HS6ST2: variants seen among roughly 807,000 people sequenced by gnomAD.
HS6ST2 encodes heparan-sulfate 6-O-sulfotransferase 2.
In HS6ST2, 17 loss-of-function variants were observed where a neutral mutation model predicts 33.0. The observed-to-expected ratio is 0.52, with a 90% CI of 0.35 to 0.77. The LOEUF (loss-of-function observed/expected upper bound fraction) is 0.77. HS6ST2 is among the 30% of genes least tolerant of loss of function. The pLI, the probability that HS6ST2 is intolerant of heterozygous loss-of-function variation, is 0.01. For synonymous variants in HS6ST2, 248 were observed against 237.1 expected, an observed-to-expected ratio of 1.05 and a Z score of -0.42; for missense variants, 519 against 551.7, an observed-to-expected ratio of 0.94 and a Z score of 0.59.
intron 2 of HS6ST2, among the ~76,000 whole-genome samples, chrX:132,916,946 A>G (rs766652717): frequency 8.9e-6 from 1 of 111,817 alleles, no homozygotes; most frequent in South Asian, 3.8e-4. Context: ...CATCTATCCT[A>G]TTAGTTCTGT....
chrX:132,748,404 T>G (rs1022236536), intron 2 of HS6ST2, among the ~76,000 whole-genome samples: 1 of 111,851 alleles, frequency 8.9e-6, no homozygotes, highest in Non-Finnish European at 1.9e-5. Flanking sequence ...TTCTCACATT[T>G]AACTCCTCTC....
At chrX:132,860,831 A>G (rs1280910989) in intron 2 of HS6ST2, among the ~76,000 whole-genome samples, 2 of 80,501 alleles carry the variant, frequency 2.5e-5, no homozygotes, top group Non-Finnish European at 4.4e-5. Context: ...TGTGTCACCC[A>G]GGCTGGAGTG....
At position 132,728,361 on chromosome X, in the gene HS6ST2, C is replaced by G. The variant is rs2064417516; in HGVS notation, c.948-19867G>C. Among the ~76,000 whole-genome samples, 2 of 112,189 alleles carry G rather than the reference C, an allele frequency of 1.8e-5. 1 individual carries two copies. The highest frequency in any genetic ancestry group is 1.9e-4 in the Admixed American group (2 of 10,584). On this transcript the variant is annotated intron_variant, in intron 2 of 4. Coordinates refer to ENST00000370833, the MANE Select transcript of HS6ST2 (RefSeq NM_001394073.1). Reference sequence around the variant, plus strand: ...ACTCAATTAGCCCAAATGATTGACCCTAACGGTGGGCTTTTGAGTCTGGGC... The same window carrying G: ...ACTCAATTAGCCCAAATGATTGACCGTAACGGTGGGCTTTTGAGTCTGGGC...
intron 2 of HS6ST2, among the ~76,000 whole-genome samples, chrX:132,908,309 T>A (rs1048044994): frequency 5.3e-5 from 6 of 112,244 alleles, no homozygotes; most frequent in African/African-American, 1.9e-4. Context: ...CATACATTGC[T>A]GGTGTAAATA....
At chrX:132,938,161 CA>C (rs758580337) in intron 2 of HS6ST2, among the ~76,000 whole-genome samples, 386 of 62,467 alleles carry the variant, frequency 6.2e-3, no homozygotes, top group African/African-American at 0.017. Flanking sequence ...AACCCTGTCT[CA>C]AAAAAAAAAA....
At chrX:132,677,413 C>A (rs1024638187) in intron 3 of HS6ST2, among the ~76,000 whole-genome samples, 16 of 112,141 alleles carry the variant, frequency 1.4e-4, no homozygotes, top group Admixed American at 4.7e-4. Context: ...ACTCTGCCTG[C>A]ACATTACATA....
intron 2 of HS6ST2, among the ~76,000 whole-genome samples, chrX:132,941,991 C>T (rs1471866392): frequency 9.0e-6 from 1 of 111,601 alleles, no homozygotes; most frequent in Non-Finnish European, 1.9e-5. Flanking sequence ...TGTGTTTATA[C>T]ATAAAATCAT....
intron 4 of HS6ST2, among the ~76,000 whole-genome samples, chrX:132,641,083 T>C (rs917301002): frequency 8.9e-6 from 1 of 112,418 alleles, no homozygotes; most frequent in African/African-American, 3.2e-5. Flanking sequence ...TTTGTGTTCA[T>C]GTGTGCTCAA....
At chrX:132,727,685 A>C (rs1327925375) in intron 2 of HS6ST2, among the ~76,000 whole-genome samples, 1 of 111,481 alleles carries the variant, frequency 9.0e-6, no homozygotes. Context: ...AACCATTTTA[A>C]AGTGTGTAAT....
intron 2 of HS6ST2, among the ~76,000 whole-genome samples, chrX:132,741,683 T>C (rs1344536747): frequency 1.8e-5 from 2 of 111,492 alleles, no homozygotes; most frequent in African/African-American, 3.3e-5. Flanking sequence ...TCAGCCTTGC[T>C]GTCTTCCTCT....
At chrX:132,759,062 T>G (rs934252497) in intron 2 of HS6ST2, among the ~76,000 whole-genome samples, 4 of 111,661 alleles carry the variant, frequency 3.6e-5, no homozygotes, top group African/African-American at 1.3e-4. Context: ...CCCTGAGGGT[T>G]ATTTGGTGCC....
chrX:132,651,047 G>A (rs996018710), intron 4 of HS6ST2, among the ~76,000 whole-genome samples: 3 of 111,629 alleles, frequency 2.7e-5, no homozygotes, highest in South Asian at 3.7e-4. Flanking sequence ...GAGTTCAGGC[G>A]TGAGCCACCA....
At chrX:132,851,835 A>G (rs1203410910) in intron 2 of HS6ST2, among the ~76,000 whole-genome samples, 2 of 111,367 alleles carry the variant, frequency 1.8e-5, no homozygotes, top group Non-Finnish European at 3.8e-5. Flanking sequence ...TCCTTAGGGG[A>G]TGATCTTTTT....
rs1298201189 is a variant in HS6ST2, at chrX:132,777,792, T to C, written c.948-69298A>G. On this transcript the variant is annotated intron_variant, in intron 2 of 4. Coordinates refer to ENST00000370833, the MANE Select transcript of HS6ST2 (RefSeq NM_001394073.1). ...TGGCATTTTAGACTAATGCTCCATG[T>C]CCTTTCTTCTTAAGATCTTTATGAG... 1.7e-4 allele frequency among the ~76,000 whole-genome samples: 19 copies of C among 111,027 alleles called. No individual in the cohort carries two copies. In the Admixed American group the frequency reaches 1.8e-3, roughly 11 times the overall value.
At chrX:132,957,796 A>G (rs1403749837) in intron 1 of HS6ST2, among the ~76,000 whole-genome samples, 1 of 110,174 alleles carries the variant, frequency 9.1e-6, no homozygotes, top group African/African-American at 3.3e-5. Flanking sequence ...TCCTCTTTGG[A>G]GCGCACACCT....
At chrX:132,739,419 A>G (rs1383699933) in intron 2 of HS6ST2, among the ~76,000 whole-genome samples, 2 of 111,547 alleles carry the variant, frequency 1.8e-5, no homozygotes, top group African/African-American at 6.5e-5. Context: ...TCATTCCCTT[A>G]GCCTCATTTT....
At chrX:132,632,981 C>T (rs369433485) in intron 4 of HS6ST2, among the ~76,000 whole-genome samples, 3 of 106,078 alleles carry the variant, frequency 2.8e-5, no homozygotes, top group East Asian at 6.0e-4. Context: ...GAGGCTGAGG[C>T]GAGAGGATCA....
At chrX:132,912,383 C>A (rs1216779790) in intron 2 of HS6ST2, among the ~76,000 whole-genome samples, 3 of 112,563 alleles carry the variant, frequency 2.7e-5, no homozygotes, top group Non-Finnish European at 5.6e-5. Context: ...AACCTGGGAC[C>A]ACTTGGGCTA....
intron 2 of HS6ST2, among the ~76,000 whole-genome samples, chrX:132,869,611 C>T (rs1447656819): frequency 1.8e-5 from 2 of 111,967 alleles, no homozygotes; most frequent in East Asian, 2.8e-4. Context: ...GCTGGTTCAA[C>T]ATATGCAAAT....
Sources: gnomAD v4.1 joint callset for allele counts (sites outside exome capture counted in the v4.1 genomes callset) on GRCh38, gnomAD v4.1.1 for gene constraint, MANE v1.5 for transcripts, NCBI Gene and HGNC (gene_info 2026-07-23, HGNC 2026-07-21) for gene names.